Variants in COG6 observed in about 807,000 individuals in gnomAD.
The protein encoded by COG6 is conserved oligomeric Golgi complex subunit 6.
COG6 carries 74 observed loss-of-function variants against 88.8 expected under a neutral mutation model. That is an observed-to-expected ratio of 0.83 (90% confidence interval 0.69 to 1.01). COG6 has a LOEUF of 1.01. Ranked by LOEUF, COG6 falls within the 50% of genes least tolerant of loss-of-function variation. The pLI is 0.00. For synonymous variants in COG6, 286 were observed against 278.7 expected (o/e 1.03, Z -0.26); for missense variants, 800 against 797.9 (o/e 1.00, Z -0.03).
At chr13:39,775,255 A>G (rs1486568698) in intron 18 of COG6, among the ~76,000 whole-genome samples, 4 of 136,074 alleles carry the variant, frequency 2.9e-5, no homozygotes, top group African/African-American at 8.0e-5. Flanking sequence ...AGATGAGGCT[A>G]ATGATGTTGT....
At chr13:39,655,629 T>C (rs754433654), upstream of COG6, 17 of 1,402,932 alleles carry the variant, frequency 1.2e-5, no homozygotes, top group South Asian at 1.2e-4. Context: ...CCGGGGCCGA[T>C]GCGCATGCGC....
At chr13:39,730,120 G>A (rs1245126069) in intron 18 of COG6, among the ~76,000 whole-genome samples, 2 of 151,756 alleles carry the variant, frequency 1.3e-5, no homozygotes, top group African/African-American at 4.8e-5. Flanking sequence ...ACAAGTTTTG[G>A]TACTTTTTTT....
At chr13:39,776,782 G>A (rs1333270998) in intron 18 of COG6, among the ~76,000 whole-genome samples, 1 of 151,886 alleles carries the variant, frequency 6.6e-6, no homozygotes, top group African/African-American at 2.4e-5. Context: ...TTTTGTAGTG[G>A]GGACTATCTA....
At chr13:39,684,058 ATAT>A (rs771372085) in intron 8 of COG6, among the ~76,000 whole-genome samples, 11 of 151,966 alleles carry the variant, frequency 7.2e-5, no homozygotes, top group Admixed American at 1.3e-4. Context: ...TAAATTTTAG[ATAT>A]TATTTTTATT....
intron 13 of COG6, among the ~76,000 whole-genome samples, chr13:39,704,426 G>A (rs1330856772): frequency 1.3e-5 from 2 of 152,146 alleles, no homozygotes; most frequent in African/African-American, 4.8e-5. Context: ...GTAAGCTAGT[G>A]AAAGGAAAAT....
chr13:39,664,690 A>G (rs1256790023), intron 3 of COG6, among the ~76,000 whole-genome samples: 1 of 152,160 alleles, frequency 6.6e-6, no homozygotes, highest in Non-Finnish European at 1.5e-5. Context: ...ATTTCTATTG[A>G]GCTCCACACT....
chr13:39,662,142 A>ATTTTTTTTTTTTTTTTTTTTTTTTTTTT, intron 3 of COG6, among the ~76,000 whole-genome samples: 1 of 130,644 alleles, frequency 7.7e-6, no homozygotes, highest in Non-Finnish European at 1.6e-5. Context: ...TGTCCTTTGT[A>ATTTTTTTTTTTTTTTTTTTTTTTTTTTT]TTTTTTTTTT....
Position 39,724,574 on chromosome 13 carries a change from T to C in COG6, c.1746+13T>C, listed in dbSNP as rs187873330. The C allele has an allele frequency of 4.5e-6, 7 of 1,570,372 alleles. No individual in the cohort carries two copies. In the Admixed American group the frequency reaches 5.0e-5, roughly 11 times the overall value. On this transcript the variant is annotated intron_variant, in intron 17 of 18. Coordinates refer to ENST00000455146, the MANE Select transcript of COG6 (RefSeq NM_020751.3). ...GAAGGCTGCAATGGTAAGTGTATAA[T>C]AAAACATTTTAATTTAGATTTCCTT...
At chr13:39,741,587 A>G (rs995326511) in intron 18 of COG6, among the ~76,000 whole-genome samples, 1 of 152,214 alleles carries the variant, frequency 6.6e-6, no homozygotes, top group African/African-American at 2.4e-5. Context: ...AAAGCCTCCA[A>G]GAAATATGGG....
chr13:39,739,019 A>G (rs957337659), intron 18 of COG6, among the ~76,000 whole-genome samples: 1 of 152,114 alleles, frequency 6.6e-6, no homozygotes, highest in Non-Finnish European at 1.5e-5. Flanking sequence ...AGTACTACCA[A>G]TCTTTACCTA....
intron 4 of COG6, among the ~76,000 whole-genome samples, chr13:39,665,658 A>G (rs1875208304): frequency 6.6e-6 from 1 of 152,188 alleles, no homozygotes; most frequent in African/African-American, 2.4e-5. Flanking sequence ...GGTGTTCAGT[A>G]TTGCTAAAAC....
chr13:39,670,332 C>G (rs1286365658), intron 4 of COG6, among the ~76,000 whole-genome samples: 1 of 151,956 alleles, frequency 6.6e-6, no homozygotes, highest in Non-Finnish European at 1.5e-5. Context: ...TATAAAGGCC[C>G]ACCAGCCAGA....
chr13:39,731,085 A>G (rs1879422446), intron 18 of COG6, among the ~76,000 whole-genome samples: 1 of 152,040 alleles, frequency 6.6e-6, no homozygotes, highest in African/African-American at 2.4e-5. Flanking sequence ...GACCTCCCAA[A>G]GTGCTGGGGT....
intron 1 of COG6, among the ~76,000 whole-genome samples, chr13:39,657,530 GT>G (rs35439076): frequency 6.7e-6 from 1 of 149,180 alleles, no homozygotes; most frequent in Admixed American, 6.6e-5. Context: ...CACTTCATGG[GT>G]TTTTTTTTTC....
chr13:39,761,677 A>T (rs1242444003), intron 18 of COG6, among the ~76,000 whole-genome samples: 1 of 151,918 alleles, frequency 6.6e-6, no homozygotes, highest in Non-Finnish European at 1.5e-5. Context: ...ACAACTGAGC[A>T]ACAACAACAA....
At chr13:39,772,927 G>A (rs1026277352) in intron 18 of COG6, among the ~76,000 whole-genome samples, 20 of 152,140 alleles carry the variant, frequency 1.3e-4, no homozygotes, top group Admixed American at 2.0e-4. Flanking sequence ...ATCTTCTTTC[G>A]GAACATTTGC....
chr13:39,775,391 G>A (rs937698098), intron 18 of COG6, among the ~76,000 whole-genome samples: 31 of 152,160 alleles, frequency 2.0e-4, no homozygotes, highest in African/African-American at 6.8e-4. Flanking sequence ...TTGAGAAAAA[G>A]AAAAAGTATA....
At chr13:39,700,428 A>G (rs1289880559) in intron 13 of COG6, among the ~76,000 whole-genome samples, 1 of 151,874 alleles carries the variant, frequency 6.6e-6, no homozygotes, top group East Asian at 1.9e-4. Context: ...CCTGACCCAC[A>G]TGCATGACTC....
At chr13:39,739,363 A>G (rs566050736) in intron 18 of COG6, among the ~76,000 whole-genome samples, 1 of 152,262 alleles carries the variant, frequency 6.6e-6, no homozygotes, top group East Asian at 1.9e-4. Flanking sequence ...TATGCCCTTT[A>G]CAAGAGACCA....
Sources: allele counts gnomAD v4.1 joint callset (sites outside exome capture counted in the v4.1 genomes callset), GRCh38; gene constraint gnomAD v4.1.1; transcripts MANE v1.5; gene names NCBI Gene and HGNC (gene_info 2026-07-23, HGNC 2026-07-21).